RAB7B: variants seen among roughly 807,000 people sequenced by gnomAD.
The protein encoded by RAB7B is RAB7B, member RAS oncogene family.
chr1:205,996,087 C>CTTTT (rs36183142), intron 1 of RAB7B, among the ~76,000 whole-genome samples: 75 of 138,222 alleles, frequency 5.4e-4, no homozygotes, highest in African/African-American at 1.9e-3. Flanking sequence ...TTAATACATT[C>CTTTT]TTTTTTTTTT....
chr1:205,984,886 T>A (rs1660561931), intron 5 of RAB7B, among the ~76,000 whole-genome samples: 1 of 151,956 alleles, frequency 6.6e-6, no homozygotes, highest in Admixed American at 6.6e-5. Flanking sequence ...CTCTCCCTCC[T>A]CCCTGCCTCC....
At chr1:206,001,127 C>A (rs1304716918) in intron 1 of RAB7B, among the ~76,000 whole-genome samples, 2 of 152,140 alleles carry the variant, frequency 1.3e-5, no homozygotes, top group African/African-American at 4.8e-5. Flanking sequence ...TCACTAGGAG[C>A]AACAAAGAGT....
intron 5 of RAB7B, among the ~76,000 whole-genome samples, chr1:205,982,857 C>T (rs1660520705): frequency 6.6e-6 from 1 of 152,194 alleles, no homozygotes; most frequent in African/African-American, 2.4e-5. Flanking sequence ...TTTTCTTTGA[C>T]CTCAAAATCT....
At chr1:205,984,152 A>G (rs1355651490) in intron 5 of RAB7B, 1 of 152,258 alleles carries the variant, frequency 6.6e-6, no homozygotes, top group Admixed American at 6.5e-5. Flanking sequence ...CTTCTTGACC[A>G]AGCACTAAGA....
chr1:206,000,197 A>G (rs1240330321), intron 1 of RAB7B, among the ~76,000 whole-genome samples: 3 of 152,242 alleles, frequency 2.0e-5, no homozygotes, highest in Non-Finnish European at 4.4e-5. Flanking sequence ...GGAGATATAC[A>G]CTAAATGATT....
intron 4 of RAB7B, among the ~76,000 whole-genome samples, chr1:205,988,216 G>T: frequency 7.0e-6 from 1 of 142,472 alleles, no homozygotes; most frequent in Non-Finnish European, 1.5e-5. Flanking sequence ...TATGATGTAT[G>T]TATGTGTGTG....
In RAB7B at chr1:205,990,218, G is replaced by T. The variant is rs894808242; in HGVS notation, c.396+2262C>A. Among the ~76,000 whole-genome samples, 38 of 152,292 alleles carry T rather than the reference G, an allele frequency of 2.5e-4. No individual in the cohort carries two copies. In the East Asian group the frequency reaches 6.7e-3, roughly 27 times the overall value. On this transcript the variant is annotated intron_variant, in intron 4 of 5. Transcript: ENST00000617070. ...AAATCCCACAGCGTGGATATAAAGC[G>T]CTTGAAAATGAGGATTAGGAGGGAT...
chr1:205,997,880 G>A (rs1192004410), intron 1 of RAB7B, among the ~76,000 whole-genome samples: 1 of 152,206 alleles, frequency 6.6e-6, no homozygotes, highest in African/African-American at 2.4e-5. Context: ...AGGAAGAAGC[G>A]GGAGAAGAGG....
At chr1:206,002,110 AT>A (rs1302480545) in intron 1 of RAB7B, among the ~76,000 whole-genome samples, 3,860 of 152,160 alleles carry the variant, frequency 0.025, 178 homozygotes, top group African/African-American at 0.089. Flanking sequence ...GGACAAATAT[AT>A]CCACCCTAAA....
intron 1 of RAB7B, among the ~76,000 whole-genome samples, chr1:206,001,938 G>A (rs1035717620): frequency 2.6e-5 from 4 of 152,064 alleles, no homozygotes; most frequent in East Asian, 3.8e-4. Flanking sequence ...ATCTTCTGTC[G>A]CATCTGCATT....
Position 205,993,529 on chromosome 1 carries a change from A to G in RAB7B, c.71T>C (p.Leu24Pro), listed in dbSNP as rs1660761056. 3 of 398,596 alleles carry G rather than the reference A, an allele frequency of 7.5e-6. No individual in the cohort carries two copies. Among genetic ancestry groups the G allele is most frequent in the Non-Finnish European group, 8.8e-6 (2 of 226,046 alleles). 24.7% of individuals were successfully genotyped at this position (398,596 alleles called of 1,614,324 possible). The change falls in exon 3 of 6, where the codon CTC becomes CCC. Residue 24 changes from leucine (L) to proline (P), a missense_variant. Coordinates refer to ENST00000617070, the MANE Select transcript of RAB7B (RefSeq NM_001164522.3). Reference sequence around the variant, plus strand: ...CGTCTTGTGCACATATTGGTGAAGGAGGGAGGTCTTTCCCACACTGAGGAA... The same window carrying G: ...CGTCTTGTGCACATATTGGTGAAGGGGGGAGGTCTTTCCCACACTGAGGAA... ...VGAIGVGKTS[L>P]LHQYVHKTFY...
intron 1 of RAB7B, among the ~76,000 whole-genome samples, chr1:205,997,389 G>C (rs1660824020): frequency 6.6e-6 from 1 of 152,208 alleles, no homozygotes; most frequent in Admixed American, 6.5e-5. Flanking sequence ...CTGAAGAAAT[G>C]AAGCATGTGG....
intron 2 of RAB7B, among the ~76,000 whole-genome samples, 157 bp downstream of exon 2, chr1:205,993,926 T>C (rs1660767650): frequency 6.6e-6 from 1 of 152,206 alleles, no homozygotes; most frequent in Admixed American, 6.5e-5. Context: ...ATGCAGCTTC[T>C]TTGTCCCAAC....
chr1:205,998,172 G>A (rs1394727587), intron 1 of RAB7B, among the ~76,000 whole-genome samples: 2 of 152,126 alleles, frequency 1.3e-5, no homozygotes, highest in East Asian at 1.9e-4. Flanking sequence ...TGGTCAACAT[G>A]GTGAAACCCC....
intron 1 of RAB7B, chr1:205,994,401 C>G (rs1357607140): frequency 1.8e-5 from 5 of 281,730 alleles, no homozygotes; most frequent in African/African-American, 1.1e-4. Flanking sequence ...CATCCCTCAG[C>G]TCTACCAACC....
chr1:205,996,397 G>A (rs985795255), intron 1 of RAB7B, among the ~76,000 whole-genome samples: 46 of 152,292 alleles, frequency 3.0e-4, no homozygotes, highest in African/African-American at 1.0e-3. Flanking sequence ...GGAAAAAGCT[G>A]TAAATAGGAC....
At chr1:206,001,131 A>G (rs1660883575) in intron 1 of RAB7B, among the ~76,000 whole-genome samples, 1 of 152,164 alleles carries the variant, frequency 6.6e-6, no homozygotes, top group South Asian at 2.1e-4. Flanking sequence ...TAGGAGCAAC[A>G]AAGAGTGACT....
rs1380248022 is a variant in RAB7B at position 205,976,825 on chromosome 1, T to C, written c.*2026A>G. ...CCACTGCAGTGCACAAGCTGCTGCATGCACACCGCACGTGACAATCCAGTC... is the reference window on the plus strand; with the variant it reads ...CCACTGCAGTGCACAAGCTGCTGCACGCACACCGCACGTGACAATCCAGTC... On this transcript the variant is annotated 3_prime_UTR_variant, in exon 6 of 6. Transcript: ENST00000617070. The C allele has an allele frequency of 2.6e-5, 4 of 152,234 alleles. No individual in the cohort carries two copies. In the East Asian group the frequency reaches 5.8e-4, roughly 22 times the overall value. The allele number at this position is 152,234 out of a possible 1,614,324, so 9.4% of individuals were successfully genotyped here.
chr1:205,987,456 A>AAT (rs1174583641), intron 4 of RAB7B, among the ~76,000 whole-genome samples: 1 of 152,218 alleles, frequency 6.6e-6, no homozygotes, highest in African/African-American at 2.4e-5. Context: ...CATTTGACAA[A>AAT]ATTAGTCCAG....
Sources: allele counts gnomAD v4.1 joint callset (sites outside exome capture counted in the v4.1 genomes callset), GRCh38; gene constraint gnomAD v4.1.1; transcripts MANE v1.5; gene names NCBI Gene and HGNC (gene_info 2026-07-23, HGNC 2026-07-21).